Variants in CHD1L observed in about 807,000 individuals in gnomAD.
CHD1L encodes ATP-dependent chromatin remodeler CHD1L.
CHD1L carries 118 observed loss-of-function variants against 115.9 expected under a neutral mutation model. That is an observed-to-expected ratio of 1.02 (90% CI 0.88 to 1.19). The LOEUF is 1.19. CHD1L is among the 50% of genes most tolerant of loss of function. The probability of loss-of-function intolerance (pLI) is 0.00; values close to 1 mark genes in which losing one functional copy is unlikely to be tolerated. For missense variants in CHD1L, 1,179 were observed against 1,065.3 expected (o/e 1.11, Z -1.49); for synonymous variants, 411 against 387.1 (o/e 1.06, Z -0.72).
chr1:147,268,908 G>C, intron 10 of CHD1L, 30 bp downstream of exon 10: 1 of 1,536,596 alleles, frequency 6.5e-7, no homozygotes, highest in Non-Finnish European at 9.0e-7. Context: ...TTGCTGCTCT[G>C]AGCTAATGAC....
Position 147,295,007 on chromosome 1 carries a change from C to T in CHD1L, c.2616-424C>T, listed in dbSNP as rs587764044. Among the ~76,000 whole-genome samples, 22 of 152,214 alleles carry T rather than the reference C, an allele frequency of 1.4e-4. 1 individual carries two copies. Among genetic ancestry groups the T allele is most frequent in the African/African-American group, 3.9e-4 (16 of 41,510 alleles). ...TCATGATCTACTTTAGCTAGACTAG[C>T]GTTTTCTTCTAATGACCTCCTTGCT... On this transcript the variant is annotated intron_variant, in intron 22 of 22. Transcript: ENST00000369258.
chr1:147,268,297 G>T (rs1674761269), intron 9 of CHD1L, among the ~76,000 whole-genome samples: 1 of 152,116 alleles, frequency 6.6e-6, no homozygotes, highest in Non-Finnish European at 1.5e-5. Flanking sequence ...CACTCCTGTG[G>T]CCATGGAGAC....
At chr1:147,246,764 A>T (rs1666748683) in intron 1 of CHD1L, among the ~76,000 whole-genome samples, 1 of 152,120 alleles carries the variant, frequency 6.6e-6, no homozygotes, top group South Asian at 2.1e-4. Flanking sequence ...GACATACTCT[A>T]GTCTTTATAT....
At chr1:147,259,645 G>A in intron 5 of CHD1L, 192 bp from the exon 6 acceptor site, 2 of 468,372 alleles carry the variant, frequency 4.3e-6, no homozygotes, top group East Asian at 3.2e-5. Flanking sequence ...AAATCCCTTG[G>A]TTTTACTACC....
At chr1:147,284,822 A>AAGAAG (rs1553964324) in intron 16 of CHD1L, among the ~76,000 whole-genome samples, 2 of 152,322 alleles carry the variant, frequency 1.3e-5, no homozygotes, top group South Asian at 2.1e-4. Context: ...ACCCTATGAC[A>AAGAAG]AGAAGAGAGG....
chr1:147,211,883 C>T, the CHD1L span, among the ~76,000 whole-genome samples: 1 of 152,218 alleles, frequency 6.6e-6, no homozygotes, highest in Non-Finnish European at 1.5e-5. Context: ...CGGATACCCA[C>T]ATTGTCTTTG....
the CHD1L span, among the ~76,000 whole-genome samples, chr1:147,189,859 G>T: frequency 1.3e-5 from 2 of 152,070 alleles, no homozygotes; most frequent in Non-Finnish European, 2.9e-5. Context: ...AAGTCTACTA[G>T]CACTTCAAGT....
At chr1:147,224,785 C>G in the CHD1L span, 2 of 1,001,374 alleles carry the variant, frequency 2.0e-6, no homozygotes, top group Non-Finnish European at 3.1e-6. Flanking sequence ...GCTAGGATTA[C>G]AGGCGTGTGC....
At chr1:147,204,783 A>G in the CHD1L span, 3 of 1,584,138 alleles carry the variant, frequency 1.9e-6, no homozygotes, top group East Asian at 2.2e-5. Context: ...TTTTCATTCC[A>G]TTTCGTCCAT....
At chr1:147,194,507 A>C in the CHD1L span, among the ~76,000 whole-genome samples, 1 of 152,134 alleles carries the variant, frequency 6.6e-6, no homozygotes, top group African/African-American at 2.4e-5. Context: ...GCCCATTTAC[A>C]TTTAAAGTTA....
Position 147,280,008 on chromosome 1 carries a change from TTGTTTCC to T in CHD1L, c.1540-16_1540-10del. On this transcript the variant is annotated splice_polypyrimidine_tract_variant and intron_variant, in intron 14 of 22. Transcript: ENST00000369258. ...TTTCATGAGAATTTGCTGGACTTTTTTGTTTCCTCTATTCAAGTTGAGTGAGATACTC... is the reference window on the plus strand; with the variant it reads ...TTTCATGAGAATTTGCTGGACTTTTTTCTATTCAAGTTGAGTGAGATACTC... The T allele has an allele frequency of 1.2e-6, 2 of 1,613,342 alleles. No homozygotes were observed. Among genetic ancestry groups the T allele is most frequent in the Non-Finnish European group, 1.7e-6 (2 of 1,179,952 alleles).
upstream of CHD1L, among the ~76,000 whole-genome samples, chr1:147,240,166 C>T (rs1009328531): frequency 2.6e-5 from 4 of 152,196 alleles, 1 homozygote; most frequent in East Asian, 7.7e-4. Flanking sequence ...AAATAAGAGA[C>T]TCCATTTTGG....
intron 6 of CHD1L, among the ~76,000 whole-genome samples, chr1:147,262,549 A>G (rs587709795): frequency 6.6e-6 from 1 of 152,102 alleles, no homozygotes; most frequent in African/African-American, 2.4e-5. Flanking sequence ...GCCTTCATTC[A>G]CCTCAGCTCT....
At chr1:147,231,497 G>A in the CHD1L span, among the ~76,000 whole-genome samples, 1 of 152,182 alleles carries the variant, frequency 6.6e-6, no homozygotes, top group African/African-American at 2.4e-5. Context: ...ATTTGGGGTG[G>A]AGAGTTCTGT....
the CHD1L span, among the ~76,000 whole-genome samples, chr1:147,193,382 A>G: frequency 0.037 from 5,600 of 151,876 alleles, 150 homozygotes; most frequent in South Asian, 0.095. Flanking sequence ...TACTGCATCT[A>G]TTTGATTCTT....
chr1:147,194,868 G>A, the CHD1L span, among the ~76,000 whole-genome samples: 6 of 152,166 alleles, frequency 3.9e-5, no homozygotes, highest in East Asian at 5.8e-4. Flanking sequence ...AGTTACTGCC[G>A]AGAGATCTGC....
chr1:147,242,752 T>A lies in CHD1L; in HGVS notation c.49T>A (p.Leu17Ile), dbSNP rs1553931845. Reference sequence around the variant, plus strand: ...CCGCGGGGGCCAAGCCCCTGGCTTCTTACTGCGGCTTCATACTGAGGGCCG... The same window carrying A: ...CCGCGGGGGCCAAGCCCCTGGCTTCATACTGCGGCTTCATACTGAGGGCCG... ...TSRGGQAPGFLLRLHTEGRAE... is the reference protein window; with the variant it reads ...TSRGGQAPGFILRLHTEGRAE... Residue 17 changes from leucine to isoleucine, a missense_variant, in exon 1 of 23, where the codon TTA becomes ATA. Transcript: ENST00000369258. 1 of 1,265,532 alleles carries A rather than the reference T, an allele frequency of 7.9e-7. No homozygotes were observed. The allele number at this position is 1,265,532 out of a possible 1,614,324, so 78.4% of individuals were successfully genotyped here. A position where few individuals can be genotyped will look rare whatever the true frequency, so the allele number is the denominator to read the frequency against.
At chr1:147,186,698 G>C in the CHD1L span, 1 of 1,401,008 alleles carries the variant, frequency 7.1e-7, no homozygotes, top group Non-Finnish European at 9.2e-7. Context: ...AAGAGTGACG[G>C]ATCATGAGTG....
At chr1:147,192,667 T>C in the CHD1L span, among the ~76,000 whole-genome samples, 1 of 152,190 alleles carries the variant, frequency 6.6e-6, no homozygotes, top group Non-Finnish European at 1.5e-5. Flanking sequence ...GTAGCTCTTA[T>C]TATTTTCAGA....
Sources: allele counts gnomAD v4.1 joint callset (sites outside exome capture counted in the v4.1 genomes callset), GRCh38; gene constraint gnomAD v4.1.1; transcripts MANE v1.5; gene names NCBI Gene and HGNC (gene_info 2026-07-23, HGNC 2026-07-21).